Variants in PTPRQ observed in about 807,000 individuals in gnomAD.
PTPRQ encodes the protein protein tyrosine phosphatase receptor type Q.
A neutral mutation model predicts 246.0 loss-of-function variants in PTPRQ; 199 were observed. The observed-to-expected ratio is 0.81, with a 90% CI of 0.72 to 0.91. The LOEUF (loss-of-function observed/expected upper bound fraction) is 0.91, where lower values mean the gene tolerates loss of function less well. Among genes scored for constraint, PTPRQ ranks in the 40% least tolerant of loss-of-function variants. The pLI is 0.00. For missense variants in PTPRQ, 2,624 were observed against 2,528.4 expected, an observed-to-expected ratio of 1.04 and a Z score of -0.81; for synonymous variants, 869 against 853.2, an observed-to-expected ratio of 1.02 and a Z score of -0.32.
Position 80,495,050 on chromosome 12 carries a change from G to C in PTPRQ, c.1658G>C (p.Gly553Ala). 2 of 1,550,470 alleles carry C rather than the reference G, an allele frequency of 1.3e-6. No individual in the cohort carries two copies. The highest frequency in any genetic ancestry group is 1.7e-6 in the Non-Finnish European group (2 of 1,146,210). ...MISVSAFTIMGEGPPTVLSVR... is the reference protein window; with the variant it reads ...MISVSAFTIMAEGPPTVLSVR... ...AGTGTATCTGCTTTCACCATCATGG[G>C]AGAAGGACCACCAACAGTTCTCAGT... Residue 553 changes from glycine (G) to alanine (A), a missense_variant, in exon 11 of 45, where the codon GGA (glycine) becomes GCA (alanine). By Grantham distance (60) the Gly-to-Ala change is moderately conservative. Coordinates refer to ENST00000644991, the MANE Select transcript of PTPRQ (RefSeq NM_001145026.2).
At position 80,679,196 on chromosome 12, in the gene PTPRQ, T is replaced by C; in HGVS notation, c.*173T>C. 3.2e-6 allele frequency: 2 copies of C among 619,964 alleles called. No homozygotes were observed. Among genetic ancestry groups the C allele is most frequent in the Non-Finnish European group, 5.0e-6 (2 of 403,958 alleles). The allele number at this position is 619,964 out of a possible 1,614,324, so 38.4% of individuals were successfully genotyped here. ...AAGACTAGTTCTTGAAAATAGCTAA[T>C]ACAGAATAATTATTTGTTTTGTACA... On this transcript the variant is annotated 3_prime_UTR_variant, in exon 45 of 45. Transcript: ENST00000644991.
At chr12:80,538,180 T>A (rs1008060331) in intron 19 of PTPRQ, among the ~76,000 whole-genome samples, 1 of 152,220 alleles carries the variant, frequency 6.6e-6, no homozygotes, top group Non-Finnish European at 1.5e-5. Flanking sequence ...AAATACCTTC[T>A]GACTATATTT....
intron 7 of PTPRQ, among the ~76,000 whole-genome samples, chr12:80,470,721 G>A (rs1893597926): frequency 6.6e-6 from 1 of 152,060 alleles, no homozygotes; most frequent in Non-Finnish European, 1.5e-5. Flanking sequence ...CAAGTGGTGA[G>A]GGGCCAAATA....
intron 7 of PTPRQ, among the ~76,000 whole-genome samples, chr12:80,469,999 G>A (rs1251383854): frequency 6.6e-6 from 1 of 152,222 alleles, no homozygotes; most frequent in African/African-American, 2.4e-5. Flanking sequence ...GGAACAATGG[G>A]TGTAGAAATT....
chr12:80,548,065 A>T (rs1896361723), intron 24 of PTPRQ, among the ~76,000 whole-genome samples: 1 of 152,182 alleles, frequency 6.6e-6, no homozygotes, highest in Non-Finnish European at 1.5e-5. Context: ...AAATAAAAAA[A>T]TATTTTAATA....
chr12:80,546,637 A>T lies in PTPRQ; in HGVS notation c.3955A>T (p.Thr1319Ser). Residue 1319 changes from threonine (T) to serine (S), a missense_variant, in exon 24 of 45, where the codon ACC becomes TCC. Physicochemically the swap from Thr to Ser is moderately conservative, Grantham distance 58 (BLOSUM62 1). Coordinates refer to ENST00000644991, the MANE Select transcript of PTPRQ (RefSeq NM_001145026.2). ...STYSIRVSAF[T>S]KVGNGNQFSN... is the part of the protein sequence containing the mutation. ...CTACTCTATCCGTGTATCTGCGTTC[A>T]CCAAAGTTGGAAATGGCAATCAATT... The T allele has an allele frequency of 6.4e-7, 1 of 1,551,484 alleles. No individual in the cohort carries two copies.
Position 80,482,526 on chromosome 12 carries a change from G to A in PTPRQ, c.1187-1907G>A, listed in dbSNP as rs538965388. On this transcript the variant is annotated intron_variant, in intron 8 of 44. Transcript: ENST00000644991. ...CAACAAAAGACAAAATTGACAAATG[G>A]GATCTAATTAAACTAAAGAGCTTCT... 9.3e-4 allele frequency among the ~76,000 whole-genome samples: 140 copies of A among 150,930 alleles called. 2 individuals carry two copies. Among genetic ancestry groups the A allele is most frequent in the African/African-American group, 3.4e-3 (136 of 40,482 alleles).
chr12:80,634,624 G>A (rs1331852882), intron 34 of PTPRQ: 2 of 235,090 alleles, frequency 8.5e-6, no homozygotes, highest in Non-Finnish European at 1.6e-5. Context: ...TAGCTAGAGA[G>A]AAGAGAAACA....
intron 33 of PTPRQ, among the ~76,000 whole-genome samples, chr12:80,626,597 C>G (rs1554839): frequency 0.35 from 52,547 of 151,864 alleles, 9,643 homozygotes; most frequent in African/African-American, 0.46. Context: ...GTGTTTTTTA[C>G]TAACTTGACC....
chr12:80,604,996 T>C, intron 26 of PTPRQ, 63 bp from the exon 27 acceptor site: 1 of 1,407,196 alleles, frequency 7.1e-7, no homozygotes, highest in Non-Finnish European at 9.3e-7. Context: ...GTCTTTTCTA[T>C]TATTGTGCTG....
At chr12:80,535,736 T>G (rs988786611) in intron 19 of PTPRQ, among the ~76,000 whole-genome samples, 1 of 152,230 alleles carries the variant, frequency 6.6e-6, no homozygotes, top group Non-Finnish European at 1.5e-5. Flanking sequence ...AATTAGATGT[T>G]TCACAGAACT....
chr12:80,524,279 C>T (rs1446203698), intron 17 of PTPRQ, among the ~76,000 whole-genome samples: 1 of 152,084 alleles, frequency 6.6e-6, no homozygotes. Context: ...ATATGGGTTT[C>T]CTGAATACAG....
intron 4 of PTPRQ, 116 bp from the exon 5 acceptor site, chr12:80,459,168 C>T (rs572204517): frequency 1.3e-5 from 5 of 395,422 alleles, no homozygotes; most frequent in Admixed American, 4.4e-5. Flanking sequence ...AAATCTTACA[C>T]AAATAGATTT....
At chr12:80,471,063 G>T (rs1402195980) in intron 7 of PTPRQ, among the ~76,000 whole-genome samples, 1 of 152,180 alleles carries the variant, frequency 6.6e-6, no homozygotes, top group Non-Finnish European at 1.5e-5. Flanking sequence ...GAAAGTAAAT[G>T]AGAGTAAATG....
At chr12:80,482,467 A>G (rs1299010476) in intron 8 of PTPRQ, among the ~76,000 whole-genome samples, 2 of 151,814 alleles carry the variant, frequency 1.3e-5, no homozygotes, top group Non-Finnish European at 2.9e-5. Flanking sequence ...AGGCATGGGC[A>G]AGGACTTCAT....
intron 3 of PTPRQ, among the ~76,000 whole-genome samples, chr12:80,453,517 A>T (rs1892852585): frequency 7.1e-6 from 1 of 141,614 alleles, no homozygotes; most frequent in Admixed American, 7.2e-5. Context: ...TTGGTCTTTG[A>T]TGATGGTGAT....
At chr12:80,461,176 C>A (rs1183904401) in intron 6 of PTPRQ, among the ~76,000 whole-genome samples, 3 of 152,144 alleles carry the variant, frequency 2.0e-5, no homozygotes, top group Non-Finnish European at 2.9e-5. Context: ...ATAATGTCAG[C>A]AATTTTTAGT....
chr12:80,598,511 G>A (rs570595579), intron 26 of PTPRQ, among the ~76,000 whole-genome samples: 1 of 152,032 alleles, frequency 6.6e-6, no homozygotes, highest in South Asian at 2.1e-4. Flanking sequence ...CCAGCGAGTT[G>A]GATTTCTTCT....
Position 80,549,530 on chromosome 12 carries a change from G to GATCCAC in PTPRQ, c.4082_4087dup (p.Pro1362_Pro1363insHisPro), listed in dbSNP as rs1896406285. 1.3e-6 allele frequency: 2 copies of GATCCAC among 1,551,096 alleles called. No homozygotes were observed. The highest frequency in any genetic ancestry group is 1.4e-5 in the African/African-American group (1 of 73,118). ...CTGGCAGTCAGTTTTAGTGAAATGG[G>GATCCAC]ATCCACCCAAAAAGGCAAATGGAAT... On this transcript the variant is annotated inframe_insertion, in exon 25 of 45. Transcript: ENST00000644991.
Sources: allele counts gnomAD v4.1 joint callset (sites outside exome capture counted in the v4.1 genomes callset), GRCh38; gene constraint gnomAD v4.1.1; transcripts MANE v1.5; gene names NCBI Gene and HGNC (gene_info 2026-07-23, HGNC 2026-07-21).